CFAP95: variants seen among roughly 807,000 people sequenced by gnomAD.
CFAP95 encodes cilia and flagella associated protein 95.
the CFAP95 span, among the ~76,000 whole-genome samples, chr9:69,879,405 C>T: frequency 4.1e-4 from 62 of 152,210 alleles, no homozygotes; most frequent in African/African-American, 1.4e-3. Flanking sequence ...GAGAAAGTCT[C>T]CAGCATGGAC....
the CFAP95 span, among the ~76,000 whole-genome samples, chr9:69,881,289 T>G: frequency 2.0e-5 from 3 of 152,230 alleles, no homozygotes; most frequent in Non-Finnish European, 4.4e-5. Context: ...AGTAGTTTCA[T>G]AGTTTGAGGT....
At chr9:69,843,676 A>C in the CFAP95 span, among the ~76,000 whole-genome samples, 1 of 136,890 alleles carries the variant, frequency 7.3e-6, no homozygotes. Flanking sequence ...ACAGGGTCTT[A>C]TTCTGTTGCC....
chr9:69,893,222 G>C, the CFAP95 span, among the ~76,000 whole-genome samples: 2 of 152,174 alleles, frequency 1.3e-5, no homozygotes, highest in African/African-American at 4.8e-5. Flanking sequence ...CCCAGACTCT[G>C]CACTCACTTA....
the CFAP95 span, among the ~76,000 whole-genome samples, chr9:69,873,502 G>A: frequency 9.7e-3 from 1,476 of 152,172 alleles, 12 homozygotes; most frequent in Middle Eastern, 0.034. Flanking sequence ...TGTAGATTGC[G>A]GCCTCACCTG....
chr9:69,872,367 C>T, the CFAP95 span, among the ~76,000 whole-genome samples: 1 of 152,090 alleles, frequency 6.6e-6, no homozygotes, highest in African/African-American at 2.4e-5. Context: ...CAAAAATAAC[C>T]AAAGAATTCA....
At chr9:69,851,069 C>A in the CFAP95 span, among the ~76,000 whole-genome samples, 2 of 152,188 alleles carry the variant, frequency 1.3e-5, no homozygotes, top group Non-Finnish European at 2.9e-5. Flanking sequence ...TCCTTTTCTA[C>A]ATCAGTAATC....
the CFAP95 span, among the ~76,000 whole-genome samples, chr9:69,841,758 T>C: frequency 6.6e-6 from 1 of 152,178 alleles, no homozygotes; most frequent in Non-Finnish European, 1.5e-5. Context: ...TAAAGTCATG[T>C]CTTACATGGC....
At chr9:69,868,467 G>C in the CFAP95 span, among the ~76,000 whole-genome samples, 2 of 152,078 alleles carry the variant, frequency 1.3e-5, no homozygotes, top group African/African-American at 4.8e-5. Context: ...AGATCAGCCT[G>C]GCCAACATGG....
At chr9:69,880,409 A>C in the CFAP95 span, among the ~76,000 whole-genome samples, 11 of 151,888 alleles carry the variant, frequency 7.2e-5, no homozygotes, top group East Asian at 2.1e-3. Flanking sequence ...AACATGTGAT[A>C]TTTGTTTTTT....
chr9:69,821,013 CG>C, the CFAP95 span: 1 of 1,613,670 alleles, frequency 6.2e-7, no homozygotes, highest in Non-Finnish European at 8.5e-7. Context: ...TACTCGAAGC[CG>C]GTGTTGGTGT....
the CFAP95 span, among the ~76,000 whole-genome samples, chr9:69,853,043 T>G: frequency 2.0e-5 from 3 of 152,180 alleles, no homozygotes; most frequent in Non-Finnish European, 4.4e-5. Context: ...ATCAGCAGCA[T>G]GAAAACGGAC....
the CFAP95 span, among the ~76,000 whole-genome samples, chr9:69,875,759 A>G: frequency 6.6e-6 from 1 of 152,214 alleles, no homozygotes; most frequent in Non-Finnish European, 1.5e-5. Flanking sequence ...CTCTTCAAAC[A>G]TCCATCTACT....
chr9:69,840,009 G>A, the CFAP95 span, among the ~76,000 whole-genome samples: 1 of 151,496 alleles, frequency 6.6e-6, no homozygotes, highest in Admixed American at 6.6e-5. Context: ...CCCAGGAGGC[G>A]GAGGTTGTAG....
chr9:69,858,387 C>T, the CFAP95 span, among the ~76,000 whole-genome samples: 2 of 152,170 alleles, frequency 1.3e-5, no homozygotes, highest in Non-Finnish European at 2.9e-5. Context: ...ATTCCATAAA[C>T]GTGTTCTTTT....
At chr9:69,894,471 G>A in the CFAP95 span, among the ~76,000 whole-genome samples, 1 of 152,164 alleles carries the variant, frequency 6.6e-6, no homozygotes, top group African/African-American at 2.4e-5. Flanking sequence ...AGAAATAAAG[G>A]GAGGAAGAGA....
At chr9:69,845,141 A>G in the CFAP95 span, among the ~76,000 whole-genome samples, 1 of 152,226 alleles carries the variant, frequency 6.6e-6, no homozygotes, top group East Asian at 1.9e-4. Flanking sequence ...TAATTAAAAC[A>G]TGCTATTAAC....
At chr9:69,892,716 T>C in the CFAP95 span, among the ~76,000 whole-genome samples, 1 of 152,042 alleles carries the variant, frequency 6.6e-6, no homozygotes, top group Non-Finnish European at 1.5e-5. Context: ...ATCCTAGGCC[T>C]CACCAGCAGA....
chr9:69,859,706 A>G, the CFAP95 span, among the ~76,000 whole-genome samples: 4 of 152,190 alleles, frequency 2.6e-5, no homozygotes, highest in Non-Finnish European at 5.9e-5. Context: ...ATGTTCCGAG[A>G]AATGTGTTGT....
the CFAP95 span, among the ~76,000 whole-genome samples, chr9:69,873,744 G>A: frequency 4.6e-5 from 7 of 152,150 alleles, no homozygotes; most frequent in Non-Finnish European, 7.4e-5. Context: ...GAAGCTGGGT[G>A]ATAAAATATC....
Sources: allele counts gnomAD v4.1 joint callset (sites outside exome capture counted in the v4.1 genomes callset), GRCh38; gene constraint gnomAD v4.1.1; transcripts MANE v1.5; gene names NCBI Gene and HGNC (gene_info 2026-07-23, HGNC 2026-07-21).